CCDC27: variants seen among roughly 807,000 people sequenced by gnomAD.
CCDC27 encodes coiled-coil domain-containing protein 27.
CCDC27 carries 80 observed loss-of-function variants against 80.3 expected under a neutral mutation model. The observed-to-expected ratio is 1.00, with a 90% CI of 0.83 to 1.20. The LOEUF is 1.20. Ranked by LOEUF, CCDC27 falls within the 50% of genes most tolerant of loss-of-function variation. The pLI is 0.00. For missense variants in CCDC27, 815 were observed against 809.4 expected, an observed-to-expected ratio of 1.01 and a Z score of -0.08; for synonymous variants, 342 against 334.3, an observed-to-expected ratio of 1.02 and a Z score of -0.25.
rs1209055244 is a variant in CCDC27 at position 3,768,406 on chromosome 1, A to C, written c.1743+961A>C. Among the ~76,000 whole-genome samples, 1 of 152,064 alleles carries C rather than the reference A, an allele frequency of 6.6e-6. No individual in the cohort carries two copies. Among genetic ancestry groups the C allele is most frequent in the Non-Finnish European group, 1.5e-5 (1 of 68,008 alleles). ...GCTACCGTGCCTGGCCCTGACCTTGATTTAGAATCCAAAATTAAGCAAAGG... is the reference window on the plus strand; with the variant it reads ...GCTACCGTGCCTGGCCCTGACCTTGCTTTAGAATCCAAAATTAAGCAAAGG... On this transcript the variant is annotated intron_variant, in intron 10 of 11. Transcript: ENST00000294600. This position sits in a 1 kb window ranked among gnomAD's most constrained non-coding sequence, Gnocchi z 5.6.
Position 3,752,585 on chromosome 1 carries a change from G to A in CCDC27, c.104G>A (p.Ser35Asn), listed in dbSNP as rs1486008549. 3.1e-6 allele frequency: 5 copies of A among 1,614,076 alleles called. No homozygotes were observed. Among genetic ancestry groups the A allele is most frequent in the Non-Finnish European group, 1.7e-6 (2 of 1,180,054 alleles). The part of the protein sequence containing the change: ...SSFRSTFRQQ[S>N]SLGLCIPRLM... ...TTCAGGTCCACATTCAGGCAACAAA[G>A]CTCACTTGGTCTTTGCATCCCACGC... The change falls in exon 1 of 12, where the codon AGC (serine) becomes AAC (asparagine). Residue 35 changes from serine to asparagine, a missense_variant. Transcript: ENST00000294600.
At position 3,763,771 on chromosome 1, in the gene CCDC27, G is replaced by A. The variant is rs868412503; in HGVS notation, c.1387G>A (p.Glu463Lys). ...AACCCAGCTGCGAAAGATCAATACG[G>A]AAAATGAGACGCTGCAGAAGGAGCT... ...QETQLRKINT[E>K]NETLQKELRE... The change falls in exon 8 of 12, where the codon GAA (glutamate) becomes AAA (lysine). Residue 463 changes from glutamate to lysine, a missense_variant. Glu to Lys is a moderately conservative substitution (Grantham distance 56). Transcript: ENST00000294600. This position sits in a 1 kb window ranked among gnomAD's most constrained non-coding sequence, Gnocchi z 7.5. 1 of 1,614,166 alleles carries A rather than the reference G, an allele frequency of 6.2e-7. No individual in the cohort carries two copies. Among genetic ancestry groups the A allele is most frequent in the South Asian group, 1.1e-5 (1 of 91,086 alleles).
chr1:3,769,851 C>G lies in CCDC27; in HGVS notation c.1812C>G (p.Asn604Lys), dbSNP rs41315316. ...FSISGTKSLA[N>K]EISDNDILEA... ...TCTCCGGGACCAAGTCCTTGGCCAACGAGATCTCTGACAATGACATCCTGG... is the reference window on the plus strand; with the variant it reads ...TCTCCGGGACCAAGTCCTTGGCCAAGGAGATCTCTGACAATGACATCCTGG... The change falls in exon 11 of 12, where the codon AAC (asparagine) becomes AAG (lysine). Residue 604 changes from asparagine (N) to lysine (K), a missense_variant. Coordinates refer to ENST00000294600, the MANE Select transcript of CCDC27 (RefSeq NM_152492.3). This position sits in a 1 kb window ranked among gnomAD's most constrained non-coding sequence, Gnocchi z 4.6. 1 of 1,613,902 alleles carries G rather than the reference C, an allele frequency of 6.2e-7. No homozygotes were observed. Among genetic ancestry groups the G allele is most frequent in the Non-Finnish European group, 8.5e-7 (1 of 1,179,868 alleles).
chr1:3,762,561 T>C, intron 5 of CCDC27, 59 bp from the exon 6 acceptor site: 1 of 1,370,098 alleles, frequency 7.3e-7, no homozygotes, highest in Non-Finnish European at 1.0e-6. Context: ...GGCAGTGGTC[T>C]GTCCCTGGGG....
At chr1:3,758,541 C>T (rs767070422) in intron 4 of CCDC27, among the ~76,000 whole-genome samples, 5 of 152,138 alleles carry the variant, frequency 3.3e-5, no homozygotes, top group East Asian at 1.9e-4. Context: ...TGCAATGGCA[C>T]GATCAGAGCT....
chr1:3,758,816 C>G (rs1643022918), intron 4 of CCDC27, among the ~76,000 whole-genome samples: 2 of 152,252 alleles, frequency 1.3e-5, no homozygotes, highest in East Asian at 3.9e-4. Flanking sequence ...AGGTTTGCCT[C>G]GAACTCTTGA....
rs776312398 is a variant in CCDC27, at chr1:3,763,354, T to C, written c.1201T>C (p.Ser401Pro). The C allele has an allele frequency of 6.3e-5, 102 of 1,612,758 alleles. No homozygotes were observed. The highest frequency in any genetic ancestry group is 8.6e-5 in the Non-Finnish European group (101 of 1,179,942). The change falls in exon 7 of 12, where the codon TCC becomes CCC. Residue 401 changes from serine (S) to proline (P), a missense_variant. Physicochemically the swap from Ser to Pro is moderately conservative, Grantham distance 74 (BLOSUM62 -1). Coordinates refer to ENST00000294600, the MANE Select transcript of CCDC27 (RefSeq NM_152492.3). This position sits in a 1 kb window ranked among gnomAD's most constrained non-coding sequence, Gnocchi z 7.5. The part of the protein sequence containing the change: ...EEEEIPRRRA[S>P]SLAESFEEEL... ...AGAGGAGATCCCCAGGAGAAGGGCC[T>C]CCTCCCTGGCCGAGTCGTTTGAGGA... is the stretch of plus-strand genomic sequence containing the variant.
chr1:3,763,510 C>G lies in CCDC27; in HGVS notation c.1321+36C>G. The G allele has an allele frequency of 1.3e-6, 2 of 1,558,516 alleles. No individual in the cohort carries two copies. Among genetic ancestry groups the G allele is most frequent in the Non-Finnish European group, 1.7e-6 (2 of 1,151,810 alleles). ...GGCGGGGGGCACTGGGCTTTGGCCA[C>G]TCAGTGGTTCCCGGCCCAGGAGCTG... On this transcript the variant is annotated intron_variant, in intron 7 of 11. Transcript: ENST00000294600. The surrounding 1 kb of genome is among the most constrained non-coding windows in gnomAD (Gnocchi z 7.5).
chr1:3,753,820 A>T (rs932810262), intron 1 of CCDC27, among the ~76,000 whole-genome samples: 1 of 151,502 alleles, frequency 6.6e-6, no homozygotes, highest in African/African-American at 2.4e-5. Context: ...CTGTCTGTGA[A>T]TCTCAGCCGA....
At position 3,760,538 on chromosome 1, in the gene CCDC27, C is replaced by T. The variant is rs151003972; in HGVS notation, c.712-743C>T. Among the ~76,000 whole-genome samples the T allele has an allele frequency of 9.8e-5, 15 of 152,344 alleles. No individual in the cohort carries two copies. The highest frequency in any genetic ancestry group is 2.2e-4 in the African/African-American group (9 of 41,572). ...TTGCCATTAATCACAACTTTAACTG[C>T]GTCCCACGAGCTTTGATGTGTCCGG... On this transcript the variant is annotated intron_variant, in intron 4 of 11. Transcript: ENST00000294600. The surrounding 1 kb of genome is among the most constrained non-coding windows in gnomAD (Gnocchi z 4.3).
Position 3,761,346 on chromosome 1 carries a change from G to C in CCDC27, c.777G>C (p.Gln259His). ...AAGACGAGGAGATCCTGCTGCTCCA[G>C]GAGGAGAGGGAGGCCCTGAAGATGC... ...QKKDEEILLL[Q>H]EEREALKMQL... is the part of the protein sequence containing the mutation. The change falls in exon 5 of 12, where the codon CAG (glutamine) becomes CAC (histidine). Residue 259 changes from glutamine to histidine, a missense_variant. Physicochemically the swap from Gln to His is conservative, Grantham distance 24 (BLOSUM62 0). Coordinates refer to ENST00000294600, the MANE Select transcript of CCDC27 (RefSeq NM_152492.3). The surrounding 1 kb of genome is among the most constrained non-coding windows in gnomAD (Gnocchi z 5.0). The C allele has an allele frequency of 2.5e-6, 4 of 1,614,192 alleles. No individual in the cohort carries two copies. The highest frequency in any genetic ancestry group is 3.4e-6 in the Non-Finnish European group (4 of 1,180,026).
chr1:3,762,591 A>G, intron 5 of CCDC27, 29 bp from the exon 6 acceptor site: 1 of 1,543,088 alleles, frequency 6.5e-7, no homozygotes, highest in South Asian at 1.2e-5. Flanking sequence ...AGGGGCTGGA[A>G]AGCTGAGGGT....
intron 1 of CCDC27, 45 bp from the exon 2 acceptor site, chr1:3,754,073 A>T (rs776485155): frequency 2.5e-6 from 4 of 1,602,370 alleles, no homozygotes; most frequent in Non-Finnish European, 3.4e-6. Flanking sequence ...GCTGGCCTAC[A>T]GTCAGGGGCC....
chr1:3,757,041 C>T (rs765274364), intron 4 of CCDC27, 151 bp downstream of exon 4: 75 of 875,398 alleles, frequency 8.6e-5, no homozygotes, highest in Non-Finnish European at 1.2e-4. Context: ...CTCCAGACCC[C>T]CTGCTTTGAC....
At chr1:3,762,396 C>A (rs1173917091) in intron 5 of CCDC27, among the ~76,000 whole-genome samples, 1 of 152,150 alleles carries the variant, frequency 6.6e-6, no homozygotes, top group Non-Finnish European at 1.5e-5. Flanking sequence ...CTGGGGGCTG[C>A]TCTGGGGGTG....
chr1:3,758,251 G>A (rs528551032), intron 4 of CCDC27, among the ~76,000 whole-genome samples: 6 of 149,718 alleles, frequency 4.0e-5, no homozygotes, highest in South Asian at 4.3e-4. Flanking sequence ...GTGCAGTGGC[G>A]CCATTCAGCT....
Position 3,767,275 on chromosome 1 carries a change from G to A in CCDC27, c.1573G>A (p.Val525Ile). 1 of 1,614,084 alleles carries A rather than the reference G, an allele frequency of 6.2e-7. No individual in the cohort carries two copies. Among genetic ancestry groups the A allele is most frequent in the Non-Finnish European group, 8.5e-7 (1 of 1,180,014 alleles). The change falls in exon 10 of 12, where the codon GTC becomes ATC. Residue 525 changes from valine to isoleucine, a missense_variant. Val to Ile is a conservative substitution (Grantham distance 29, BLOSUM62 3). Transcript: ENST00000294600. ...GAGAAAGCTCACCAAGCGGGACTGT[G>A]TCATCTCAGAGTTGGACACCAAGGT... ...LERKLTKRDC[V>I]ISELDTKVSQ...
chr1:3,752,716 C>A lies in CCDC27; in HGVS notation c.235C>A (p.Arg79=), dbSNP rs202157664. The change falls in exon 1 of 12, where the codon CGG becomes AGG. Residue 79 remains arginine (R), a synonymous_variant. Coordinates refer to ENST00000294600, the MANE Select transcript of CCDC27 (RefSeq NM_152492.3). The part of the protein sequence containing the change: ...LLQSMASRDA[R]CPEWKPHQKP... ...CCAGAGCATGGCCAGCCGGGACGCC[C>A]GGTGCCCAGAATGGAAACCGCACCA... 84 of 1,613,746 alleles carry A rather than the reference C, an allele frequency of 5.2e-5. No homozygotes were observed. Among genetic ancestry groups the A allele is most frequent in the Non-Finnish European group, 6.6e-5 (78 of 1,180,038 alleles).
chr1:3,765,242 G>A (rs1029578650), intron 8 of CCDC27, among the ~76,000 whole-genome samples: 2 of 152,148 alleles, frequency 1.3e-5, no homozygotes, highest in Non-Finnish European at 2.9e-5. Flanking sequence ...GGTTCCTTCT[G>A]GGTTGGTTGT....
Sources: allele counts gnomAD v4.1 joint callset (sites outside exome capture counted in the v4.1 genomes callset), GRCh38; gene constraint gnomAD v4.1.1; non-coding constraint Gnocchi (gnomAD v3.1); transcripts MANE v1.5; gene names NCBI Gene and HGNC (gene_info 2026-07-23, HGNC 2026-07-21).